ATF6: variants seen among roughly 807,000 people sequenced by gnomAD.
ATF6 encodes the protein cyclic AMP-dependent transcription factor ATF-6 alpha.
In ATF6, 53 loss-of-function variants were observed where a neutral mutation model predicts 83.6. The ratio of observed to expected loss-of-function variants is 0.63; its 90% CI spans 0.51 to 0.80. The LOEUF is 0.80. Among genes scored for constraint, ATF6 ranks in the 30% least tolerant of loss-of-function variants. The probability of loss-of-function intolerance (pLI) is 0.00; values close to 1 mark genes in which losing one functional copy is unlikely to be tolerated. For synonymous variants in ATF6, 288 were observed against 285.8 expected, an observed-to-expected ratio of 1.01 and a Z score of -0.08; for missense variants, 744 against 797.9, an observed-to-expected ratio of 0.93 and a Z score of 0.81.
chr1:161,908,532 C>A, intron 14 of ATF6, among the ~76,000 whole-genome samples: 1 of 151,694 alleles, frequency 6.6e-6, no homozygotes, highest in Non-Finnish European at 1.5e-5. Context: ...TCCCCGCCCC[C>A]TCCCCTCCAT....
At chr1:161,941,970 T>C (rs1688654573) in intron 15 of ATF6, among the ~76,000 whole-genome samples, 1 of 151,410 alleles carries the variant, frequency 6.6e-6, no homozygotes, top group Non-Finnish European at 1.5e-5. Context: ...ATCTTCTTTT[T>C]TTCGGCGGGG....
intron 15 of ATF6, among the ~76,000 whole-genome samples, chr1:161,918,991 A>T (rs1263452904): frequency 6.6e-6 from 1 of 152,240 alleles, no homozygotes; most frequent in African/African-American, 2.4e-5. Flanking sequence ...GTTTTAAGCC[A>T]TGGAAGAAAG....
At chr1:161,946,654 AGT>A (rs1200200275) in intron 15 of ATF6, among the ~76,000 whole-genome samples, 1 of 152,212 alleles carries the variant, frequency 6.6e-6, no homozygotes, top group African/African-American at 2.4e-5. Flanking sequence ...GGTTTTCAGC[AGT>A]GTTTGTTATC....
chr1:161,861,435 C>A (rs1686883901), intron 13 of ATF6, among the ~76,000 whole-genome samples: 1 of 152,094 alleles, frequency 6.6e-6, no homozygotes, highest in Admixed American at 6.6e-5. Context: ...ATTGTATTAT[C>A]CTGTTGAAAT....
chr1:161,957,377 A>T (rs1304904064), intron 15 of ATF6, among the ~76,000 whole-genome samples: 4 of 152,194 alleles, frequency 2.6e-5, no homozygotes, highest in Non-Finnish European at 4.4e-5. Context: ...GCAAACTCAG[A>T]TGCCATATTA....
intron 14 of ATF6, among the ~76,000 whole-genome samples, chr1:161,897,190 T>A (rs1021619894): frequency 1.3e-5 from 2 of 152,078 alleles, no homozygotes; most frequent in Non-Finnish European, 2.9e-5. Context: ...TCCTAGCACT[T>A]TGGGAGGCTG....
intron 14 of ATF6, among the ~76,000 whole-genome samples, chr1:161,893,938 T>C (rs1558014012): frequency 6.6e-6 from 1 of 152,208 alleles, no homozygotes; most frequent in Admixed American, 6.5e-5. Context: ...TGAGAAAATA[T>C]GTCCTTTGTA....
rs1166574606 is a variant in ATF6 at position 161,802,109 on chromosome 1, T to C, written c.746T>C (p.Leu249Pro). Residue 249 changes from leucine (L) to proline (P), a missense_variant, in exon 7 of 16, where the codon CTG (leucine) becomes CCG (proline). Leu to Pro is a moderately conservative substitution (Grantham distance 98). Transcript: ENST00000367942. ...TVVQLQAPGV[L>P]PSAQPVLAVA... ...GTACAACTTCAAGCACCTGGAGTTC[T>C]GCCCTCTGCTCAGCCAGTCCTTGCT... is the stretch of plus-strand genomic sequence containing the variant. 1.2e-6 allele frequency: 2 copies of C among 1,614,146 alleles called. No homozygotes were observed. The highest frequency in any genetic ancestry group is 1.7e-6 in the Non-Finnish European group (2 of 1,180,002).
chr1:161,928,475 T>C (rs1296794733), intron 15 of ATF6, among the ~76,000 whole-genome samples: 1 of 152,158 alleles, frequency 6.6e-6, no homozygotes, highest in Non-Finnish European at 1.5e-5. Flanking sequence ...AGAAATAAAT[T>C]AGGAGATGGT....
chr1:161,794,717 G>C (rs1684970550), intron 6 of ATF6, among the ~76,000 whole-genome samples: 1 of 152,158 alleles, frequency 6.6e-6, no homozygotes, highest in African/African-American at 2.4e-5. Context: ...GTTTTTCCTA[G>C]TTTTTTGGCT....
At chr1:161,843,581 T>A (rs1335307260) in intron 9 of ATF6, among the ~76,000 whole-genome samples, 1 of 152,168 alleles carries the variant, frequency 6.6e-6, no homozygotes, top group Non-Finnish European at 1.5e-5. Flanking sequence ...CTCTTTGAGC[T>A]TCAACTTCCT....
chr1:161,901,087 A>G (rs529325857), intron 14 of ATF6, among the ~76,000 whole-genome samples: 5 of 152,138 alleles, frequency 3.3e-5, no homozygotes, highest in Non-Finnish European at 7.4e-5. Context: ...AATAAAGCAG[A>G]TATTTCTGTC....
At chr1:161,772,041 C>T (rs892827694) in intron 1 of ATF6, among the ~76,000 whole-genome samples, 3 of 152,222 alleles carry the variant, frequency 2.0e-5, no homozygotes, top group Non-Finnish European at 1.5e-5. Flanking sequence ...CTGCCTTCGC[C>T]TGTTTTACCA....
intron 15 of ATF6, among the ~76,000 whole-genome samples, chr1:161,923,959 G>T (rs1187335902): frequency 6.6e-6 from 1 of 152,228 alleles, no homozygotes; most frequent in Non-Finnish European, 1.5e-5. Flanking sequence ...TAAGCCAACA[G>T]AGTTGGTTTG....
At chr1:161,780,534 C>T (rs1031246031) in intron 2 of ATF6, among the ~76,000 whole-genome samples, 3 of 151,898 alleles carry the variant, frequency 2.0e-5, no homozygotes, top group Admixed American at 6.6e-5. Flanking sequence ...CCACCACGCC[C>T]GGCTAATTTT....
chr1:161,819,939 TATA>T, intron 8 of ATF6, 121 bp downstream of exon 8: 1 of 944,616 alleles, frequency 1.1e-6, no homozygotes, highest in Non-Finnish European at 1.5e-6. Flanking sequence ...AAAAGGAGGG[TATA>T]ATAAGTCCTA....
chr1:161,770,036 C>T (rs1247071098), intron 1 of ATF6, among the ~76,000 whole-genome samples: 1 of 152,128 alleles, frequency 6.6e-6, no homozygotes, highest in African/African-American at 2.4e-5. Flanking sequence ...AGAATAGTTT[C>T]ACTGCCCTAA....
intron 12 of ATF6, among the ~76,000 whole-genome samples, chr1:161,854,269 T>C (rs546736375): frequency 6.6e-6 from 1 of 152,320 alleles, no homozygotes; most frequent in South Asian, 2.1e-4. Flanking sequence ...CTTTCTAGGA[T>C]TGCTTTTCTC....
At chr1:161,847,803 C>T (rs1003298538) in intron 10 of ATF6, among the ~76,000 whole-genome samples, 7 of 152,012 alleles carry the variant, frequency 4.6e-5, no homozygotes, top group African/African-American at 1.4e-4. Flanking sequence ...GTTGAGATAG[C>T]GTCTTGCTAA....
Sources: allele counts gnomAD v4.1 joint callset (sites outside exome capture counted in the v4.1 genomes callset), GRCh38; gene constraint gnomAD v4.1.1; transcripts MANE v1.5; gene names NCBI Gene and HGNC (gene_info 2026-07-23, HGNC 2026-07-21).